AK5: variants seen among roughly 807,000 people sequenced by gnomAD.
AK5 encodes adenylate kinase isoenzyme 5.
In AK5, 27 loss-of-function variants were observed where a neutral mutation model predicts 69.5. The ratio of observed to expected loss-of-function variants is 0.39; its 90% CI spans 0.29 to 0.54. The LOEUF (loss-of-function observed/expected upper bound fraction) is 0.54. Ranked by LOEUF, AK5 falls within the 20% of genes least tolerant of loss-of-function variation. The pLI, the probability that AK5 is intolerant of heterozygous loss-of-function variation, is 0.71. For synonymous variants in AK5, 260 were observed against 244.4 expected (o/e 1.06, Z -0.60); for missense variants, 531 against 700.4 (o/e 0.76, Z 2.73).
rs771900270 is a variant in AK5, at chr1:77,410,990, G to A, written c.901G>A (p.Asp301Asn). The A allele has an allele frequency of 8.1e-6, 13 of 1,613,286 alleles. No homozygotes were observed. Among genetic ancestry groups the A allele is most frequent in the Middle Eastern group, 1.6e-4 (1 of 6,074 alleles). Residue 301 changes from aspartate (D) to asparagine (N), a missense_variant, in exon 7 of 14, where the codon GAC (aspartate) becomes AAC (asparagine). Transcript: ENST00000354567. ...TCCTGATTTCCCCCAGTTTGATGCC[G>A]ACCGCGATGAGGATGAGGTGTTCTA... ...EKGLIMTFDA[D>N]RDEDEVFYDI...
intron 6 of AK5, among the ~76,000 whole-genome samples, chr1:77,384,001 TATAATAAAACCA>T (rs1177946646): frequency 6.6e-6 from 1 of 152,108 alleles, no homozygotes; most frequent in Non-Finnish European, 1.5e-5. Context: ...ATATTAGAGA[TATAATAAAACCA>T]CCATGAATAT....
At chr1:77,313,348 T>C (rs1660064802) in intron 5 of AK5, among the ~76,000 whole-genome samples, 1 of 152,118 alleles carries the variant, frequency 6.6e-6, no homozygotes. Flanking sequence ...ACTAGCTTTC[T>C]CTAACCTTGA....
chr1:77,296,211 C>T (rs1658994292), intron 3 of AK5, among the ~76,000 whole-genome samples: 1 of 152,094 alleles, frequency 6.6e-6, no homozygotes, highest in Admixed American at 6.5e-5. Context: ...GTTTCTCTTC[C>T]AGCACTGCAG....
rs1378621656 is a variant in AK5 at position 77,533,813 on chromosome 1, C to CT, written c.1429-2033dup. Among the ~76,000 whole-genome samples the CT allele has an allele frequency of 1.1e-4, 17 of 152,286 alleles. No individual in the cohort carries two copies. The South Asian group carries it at 3.5e-3, about 32-fold the overall frequency. ...CCCCACAATTGGAAAAATCGCCTGGCTGTCTCATGCAACCCTAACCCAAAG... is the reference window on the plus strand; with the variant it reads ...CCCCACAATTGGAAAAATCGCCTGGCTTGTCTCATGCAACCCTAACCCAAAG... On this transcript the variant is annotated intron_variant, in intron 12 of 13. Transcript: ENST00000354567.
At chr1:77,452,455 G>C (rs1450087183) in intron 8 of AK5, among the ~76,000 whole-genome samples, 7 of 152,160 alleles carry the variant, frequency 4.6e-5, no homozygotes, top group Admixed American at 2.0e-4. Context: ...TTTAGATAAG[G>C]CTGTTTATTT....
intron 5 of AK5, among the ~76,000 whole-genome samples, chr1:77,300,004 T>A (rs1570337758): frequency 6.6e-6 from 1 of 152,226 alleles, no homozygotes; most frequent in East Asian, 1.9e-4. Flanking sequence ...AAATCAAAAC[T>A]TTAATTTCGT....
rs572104412 is a variant in AK5, at chr1:77,483,355, G to T, written c.1098G>T (p.Met366Ile). The change falls in exon 9 of 14, where the codon ATG becomes ATT. Residue 366 changes from methionine (M) to isoleucine (I), a missense_variant. By Grantham distance (10) the Met-to-Ile change is conservative (BLOSUM62 1). Transcript: ENST00000354567. ...DQLNVFGEDTMGGFMEDLRKC... is the reference protein window; with the variant it reads ...DQLNVFGEDTIGGFMEDLRKC... The stretch of plus-strand genomic sequence containing the variant: ...TAAATGTATTTGGAGAGGACACTAT[G>T]GGAGGTGAGTTTTCCTTACTGATCA... 6.2e-7 allele frequency: 1 copy of T among 1,612,302 alleles called. No homozygotes were observed. Among genetic ancestry groups the T allele is most frequent in the South Asian group, 1.1e-5 (1 of 91,024 alleles).
chr1:77,483,293 C>G, intron 8 of AK5, 24 bp from the exon 9 acceptor site: 4 of 1,579,522 alleles, frequency 2.5e-6, no homozygotes, highest in Non-Finnish European at 3.5e-6. Flanking sequence ...TTATTATTAT[C>G]TAATATTGTG....
At chr1:77,407,080 TAA>T (rs61188538) in intron 6 of AK5, among the ~76,000 whole-genome samples, 103,956 of 146,682 alleles carry the variant, frequency 0.71, 37,608 homozygotes, top group East Asian at 0.94. Context: ...CATAATGAGG[TAA>T]AAAAAAAAAA....
intron 13 of AK5, among the ~76,000 whole-genome samples, chr1:77,555,870 A>G (rs927335211): frequency 1.3e-5 from 2 of 152,210 alleles, no homozygotes; most frequent in African/African-American, 4.8e-5. Flanking sequence ...CAAAACATTG[A>G]TGATAACCAG....
At chr1:77,282,475 A>G (rs1658115879) in intron 1 of AK5, 102 bp downstream of exon 1, 2 of 1,442,756 alleles carry the variant, frequency 1.4e-6, no homozygotes, top group Admixed American at 2.5e-5. Flanking sequence ...CACACGGGGC[A>G]TGTAATGAAG....
chr1:77,472,681 G>C (rs752553463), intron 8 of AK5, among the ~76,000 whole-genome samples: 1 of 140,880 alleles, frequency 7.1e-6, no homozygotes, highest in Non-Finnish European at 1.6e-5. Flanking sequence ...TCAGGAGTTC[G>C]AGAACAGCCT....
intron 13 of AK5, among the ~76,000 whole-genome samples, chr1:77,545,883 G>A (rs1336748429): frequency 6.6e-6 from 1 of 152,156 alleles, no homozygotes; most frequent in Non-Finnish European, 1.5e-5. Context: ...GTGCCTGAAG[G>A]AGAGAGTGAC....
At chr1:77,384,631 GA>G in intron 6 of AK5, among the ~76,000 whole-genome samples, 1 of 152,058 alleles carries the variant, frequency 6.6e-6, no homozygotes, top group East Asian at 1.9e-4. Flanking sequence ...AAACAGAAGA[GA>G]AAATAAGGAA....
At chr1:77,389,299 G>A (rs181916899) in intron 6 of AK5, among the ~76,000 whole-genome samples, 20 of 152,292 alleles carry the variant, frequency 1.3e-4, no homozygotes, top group East Asian at 1.9e-4. Flanking sequence ...ATTTTCAAAC[G>A]TGTAGTTAAG....
At chr1:77,541,468 C>CA (rs1659269588) in intron 13 of AK5, among the ~76,000 whole-genome samples, 2 of 152,210 alleles carry the variant, frequency 1.3e-5, no homozygotes, top group African/African-American at 4.8e-5. Context: ...TCCCACCACT[C>CA]AGAGGCAAAC....
intron 12 of AK5, among the ~76,000 whole-genome samples, chr1:77,535,427 C>T (rs2100355792): frequency 6.6e-6 from 1 of 152,272 alleles, no homozygotes; most frequent in South Asian, 2.1e-4. Context: ...CAGGCACAGC[C>T]ACAGAATGCC....
intron 6 of AK5, among the ~76,000 whole-genome samples, chr1:77,408,689 G>T (rs1416495881): frequency 1.3e-5 from 2 of 151,934 alleles, no homozygotes; most frequent in Non-Finnish European, 2.9e-5. Flanking sequence ...AATATGTGCA[G>T]TTCATTGTGT....
intron 10 of AK5, among the ~76,000 whole-genome samples, chr1:77,504,477 CATATA>C (rs1236250915): frequency 1.3e-5 from 2 of 151,580 alleles, no homozygotes; most frequent in Non-Finnish European, 2.9e-5. Flanking sequence ...AGAATGAGAT[CATATA>C]ATTTAAAAAC....
Sources: gnomAD v4.1 joint callset for allele counts (sites outside exome capture counted in the v4.1 genomes callset) on GRCh38, gnomAD v4.1.1 for gene constraint, MANE v1.5 for transcripts, NCBI Gene and HGNC (gene_info 2026-07-23, HGNC 2026-07-21) for gene names.